The following PRMT7 variants were observed in gnomAD, a reference collection of about 807,000 sequenced individuals.
PRMT7 encodes the protein protein arginine methyltransferase 7, also known as protein arginine N-methyltransferase 7.
Under a neutral mutation model 85.4 loss-of-function variants are expected in PRMT7, and 75 were observed. The ratio of observed to expected loss-of-function variants is 0.88; its 90% CI spans 0.73 to 1.06. The LOEUF is 1.06. Among genes scored for constraint, PRMT7 ranks in the 50% least tolerant of loss-of-function variants. PRMT7 has a pLI of 0.00. For synonymous variants in PRMT7, 397 were observed against 359.5 expected (o/e 1.10, Z -1.18); for missense variants, 868 against 915.2 (o/e 0.95, Z 0.67).
In PRMT7 at chr16:68,337,471, C is replaced by G. The variant is rs141441180; in HGVS notation, c.404C>G (p.Pro135Arg). Residue 135 changes from proline (P) to arginine (R), a missense_variant, in exon 7 of 19, where the codon CCA becomes CGA. Pro to Arg is a moderately radical substitution (Grantham distance 103). Transcript: ENST00000441236. Reference sequence around the variant, plus strand: ...TTGTGTTTTTCAGAGGGTGACATGCCATGCCGTGCCAACATCCTGGTCACA... The same window carrying G: ...TTGTGTTTTTCAGAGGGTGACATGCGATGCCGTGCCAACATCCTGGTCACA... Reference protein sequence around the residue: ...EVTVGPEGDMPCRANILVTEL... With the variant: ...EVTVGPEGDMRCRANILVTEL... 3 of 1,608,440 alleles carry G rather than the reference C, an allele frequency of 1.9e-6. No individual in the cohort carries two copies. In the African/African-American group the frequency reaches 4.0e-5, roughly 22 times the overall value.
intron 9 of PRMT7, among the ~76,000 whole-genome samples, chr16:68,341,928 C>T (rs1362997067): frequency 6.6e-6 from 1 of 152,214 alleles, no homozygotes; most frequent in Middle Eastern, 3.2e-3. Context: ...ATCCTCCTAA[C>T]CTGATGATCT....
chr16:68,334,249 G>C (rs2084338192), intron 6 of PRMT7, among the ~76,000 whole-genome samples: 1 of 152,188 alleles, frequency 6.6e-6, no homozygotes, highest in Admixed American at 6.5e-5. Flanking sequence ...AAAGGAGTTA[G>C]GTAATTTTTG....
rs920242182 is a variant in PRMT7, at chr16:68,322,921, C to T, written c.132+1459C>T. Among the ~76,000 whole-genome samples, 5 of 152,068 alleles carry T rather than the reference C, an allele frequency of 3.3e-5. No individual in the cohort carries two copies. The South Asian group carries it at 1.0e-3, about 32-fold the overall frequency. On this transcript the variant is annotated intron_variant, in intron 4 of 18. Transcript: ENST00000441236. ...TGGCGGGCAGGGCCTGTAATCCCAG[C>T]TACTCAGGAGGCTGATGCGGGAGAA...
intron 9 of PRMT7, among the ~76,000 whole-genome samples, chr16:68,344,882 G>A (rs1167379166): frequency 2.8e-5 from 4 of 144,932 alleles, no homozygotes; most frequent in African/African-American, 1.0e-4. Context: ...AGTTGTTAAC[G>A]TTTGCCACAT....
At chr16:68,347,825 C>G in intron 13 of PRMT7, 147 bp downstream of exon 13, 1 of 679,640 alleles carries the variant, frequency 1.5e-6, no homozygotes, top group Admixed American at 2.8e-5. Context: ...TGGAGAGCAG[C>G]CAGAGGCCTT....
At chr16:68,347,366 C>G (rs1288968623) in intron 12 of PRMT7, 72 bp downstream of exon 12, 1 of 1,415,350 alleles carries the variant, frequency 7.1e-7, no homozygotes, top group Non-Finnish European at 9.5e-7. Flanking sequence ...TCCGGGTGCA[C>G]AATTCTGTGA....
At chr16:68,334,489 C>G (rs1482251816) in intron 6 of PRMT7, among the ~76,000 whole-genome samples, 6 of 152,172 alleles carry the variant, frequency 3.9e-5, no homozygotes, top group Non-Finnish European at 5.9e-5. Flanking sequence ...GTGTTGCTTT[C>G]TTTCTGCTCC....
chr16:68,332,111 C>A (rs1170560158), intron 6 of PRMT7, among the ~76,000 whole-genome samples: 1 of 152,158 alleles, frequency 6.6e-6, no homozygotes, highest in Non-Finnish European at 1.5e-5. Context: ...TCAGATTGAT[C>A]CTTTCAGGGC....
chr16:68,312,353 GCTGGGAGTAA>G (rs1358934011), intron 2 of PRMT7, among the ~76,000 whole-genome samples, 177 bp downstream of exon 2: 1 of 151,524 alleles, frequency 6.6e-6, no homozygotes, highest in Non-Finnish European at 1.5e-5. Flanking sequence ...CTCCCGAGTA[GCTGGGAGTAA>G]CTGGGACTAC....
At chr16:68,347,126 AG>A (rs2151839267) in intron 11 of PRMT7, 84 bp from the exon 12 acceptor site, 1 of 1,278,230 alleles carries the variant, frequency 7.8e-7, no homozygotes, top group African/African-American at 1.5e-5. Context: ...TGGAGTGAGA[AG>A]GGAAGTATTT....
chr16:68,336,718 CT>C (rs1278985559), intron 6 of PRMT7, among the ~76,000 whole-genome samples: 4 of 152,040 alleles, frequency 2.6e-5, no homozygotes, highest in Non-Finnish European at 5.9e-5. Flanking sequence ...TACCTGGTTT[CT>C]TTTTGGGTGT....
chr16:68,349,562 A>C (rs1826411503), intron 14 of PRMT7, among the ~76,000 whole-genome samples: 1 of 152,122 alleles, frequency 6.6e-6, no homozygotes, highest in Admixed American at 6.5e-5. Flanking sequence ...GATTTTTTTA[A>C]GTAAATATAT....
At chr16:68,354,339 C>T (rs2087929615) in intron 16 of PRMT7, 1 of 152,324 alleles carries the variant, frequency 6.6e-6, no homozygotes, top group South Asian at 2.1e-4. Context: ...GCGTTTGTGC[C>T]ACTGCCTCCA....
chr16:68,318,462 G>C (rs1270319030), intron 3 of PRMT7, among the ~76,000 whole-genome samples: 3 of 152,188 alleles, frequency 2.0e-5, no homozygotes, highest in African/African-American at 7.2e-5. Flanking sequence ...GCCTCCCAAA[G>C]AGCTGGGATT....
rs1391913791 is a variant in PRMT7, at chr16:68,347,405, TG to T, written c.1275+114del. On this transcript the variant is annotated intron_variant, in intron 12 of 18. Transcript: ENST00000441236. ...AGGCTCTTTGCAAAGGCCACTGTTGTGGGCACAGCATGCTCGGGTCAGGGGC... is the reference window on the plus strand; with the variant it reads ...AGGCTCTTTGCAAAGGCCACTGTTGTGGCACAGCATGCTCGGGTCAGGGGC... The T allele has an allele frequency of 6.7e-6, 8 of 1,193,994 alleles. No homozygotes were observed. The African/African-American group carries it at 1.1e-4, about 16-fold the overall frequency. 74.0% of individuals were successfully genotyped at this position (1,193,994 alleles called of 1,614,324 possible).
rs118132654 is a variant in PRMT7 at position 68,330,325 on chromosome 16, G to A, written c.391+1151G>A. ...GGTGAAGTTATGGATAACACCATGGGTTTTTTCTAATTTTTTGTGGAGATA... is the reference window on the plus strand; with the variant it reads ...GGTGAAGTTATGGATAACACCATGGATTTTTTCTAATTTTTTGTGGAGATA... On this transcript the variant is annotated intron_variant, in intron 6 of 18. Transcript: ENST00000441236. 5.8e-3 allele frequency among the ~76,000 whole-genome samples: 877 copies of A among 152,156 alleles called. 4 individuals are homozygous for A. The highest frequency in any genetic ancestry group is 0.01 in the Non-Finnish European group (685 of 67,992).
intron 9 of PRMT7, among the ~76,000 whole-genome samples, chr16:68,341,407 G>A (rs2085512242): frequency 1.3e-5 from 2 of 152,128 alleles, no homozygotes; most frequent in African/African-American, 4.8e-5. Context: ...ACAGGCTACG[G>A]TTTTTTGTTT....
chr16:68,330,026 G>A (rs919398108), intron 6 of PRMT7, among the ~76,000 whole-genome samples: 3 of 151,452 alleles, frequency 2.0e-5, no homozygotes, highest in African/African-American at 4.9e-5. Context: ...CCCAAGTAGC[G>A]GTGATTACAG....
intron 4 of PRMT7, 155 bp downstream of exon 4, chr16:68,321,617 T>G: frequency 1.6e-6 from 1 of 628,022 alleles, no homozygotes; most frequent in Non-Finnish European, 2.7e-6. Context: ...GGGTCCTACT[T>G]CTGGCTCTAT....
Sources: gnomAD v4.1 joint callset for allele counts (sites outside exome capture counted in the v4.1 genomes callset) on GRCh38, gnomAD v4.1.1 for gene constraint, MANE v1.5 for transcripts, NCBI Gene and HGNC (gene_info 2026-07-23, HGNC 2026-07-21) for gene names.